TMEM201: variants seen among roughly 807,000 people sequenced by gnomAD.
TMEM201 encodes the protein RP13-15M17.2.
Under a neutral mutation model 63.4 loss-of-function variants are expected in TMEM201, and 26 were observed. That is an observed-to-expected ratio of 0.41 (90% CI 0.30 to 0.57). The LOEUF (loss-of-function observed/expected upper bound fraction) is 0.57. Ranked by LOEUF, TMEM201 falls within the 20% of genes least tolerant of loss-of-function variation. The probability of loss-of-function intolerance (pLI) is 0.29; values close to 1 mark genes in which losing one functional copy is unlikely to be tolerated. For synonymous variants in TMEM201, 417 were observed against 421.6 expected (o/e 0.99, Z 0.14); for missense variants, 794 against 917.7 (o/e 0.87, Z 1.74).
rs1033006812 is a variant in TMEM201 at position 9,603,410 on chromosome 1, G to A, written c.1160+1138G>A. The A allele has an allele frequency of 3.3e-5, 33 of 985,414 alleles. No individual in the cohort carries two copies. Among genetic ancestry groups the A allele is most frequent in the African/African-American group, 7.0e-5 (4 of 57,236 alleles). The allele number at this position is 985,414 out of a possible 1,614,324, so 61.0% of individuals were successfully genotyped here. On this transcript the variant is annotated intron_variant, in intron 6 of 10. Transcript: ENST00000340381. The surrounding 1 kb of genome is among the most constrained non-coding windows in gnomAD (Gnocchi z 4.5). ...ACGTGCAGAGGAAGTTCCCGGCCTG[G>A]GGGCTTTATCCAGGGGTCCCAGTCG...
rs1347728458 is a variant in TMEM201 at position 9,614,865 on chromosome 1, C to T, written c.*1782C>T. ...AAAAAGGAAACCAAAAAAGATACAG[C>T]CTTTGAATGATGCCTGCTGGCTGTC... On this transcript the variant is annotated 3_prime_UTR_variant, in exon 11 of 11. Coordinates refer to ENST00000340381, the MANE Select transcript of TMEM201 (RefSeq NM_001130924.3). 6.6e-6 allele frequency: 1 copy of T among 152,254 alleles called. No homozygotes were observed. The highest frequency in any genetic ancestry group is 1.5e-5 in the Non-Finnish European group (1 of 68,058). The allele number at this position is 152,254 out of a possible 1,614,324, so 9.4% of individuals were successfully genotyped here.
At chr1:9,599,979 T>C (rs551639198) in intron 4 of TMEM201, among the ~76,000 whole-genome samples, 5 of 152,288 alleles carry the variant, frequency 3.3e-5, no homozygotes, top group African/African-American at 9.6e-5. Context: ...AGTAGTAAGT[T>C]ATTCAGACCA....
chr1:9,596,846 C>A lies in TMEM201; in HGVS notation c.235-13C>A. The A allele has an allele frequency of 6.4e-7, 1 of 1,573,872 alleles. No homozygotes were observed. ...AGGGCCTGCCTGCCTCGAGTCCCAC[C>A]TCTCTCCCGCAGAACGGCGACTACA... On this transcript the variant is annotated splice_polypyrimidine_tract_variant and intron_variant, in intron 2 of 10. Coordinates refer to ENST00000340381, the MANE Select transcript of TMEM201 (RefSeq NM_001130924.3).
chr1:9,608,195 G>A lies in TMEM201; in HGVS notation c.1393+406G>A, dbSNP rs987020706. 9.9e-5 allele frequency among the ~76,000 whole-genome samples: 15 copies of A among 152,150 alleles called. No homozygotes were observed. Among genetic ancestry groups the A allele is most frequent in the African/African-American group, 2.4e-4 (10 of 41,450 alleles). The stretch of plus-strand genomic sequence containing the variant: ...GGAAGCTGCAGTGAGCTATGATCAC[G>A]CCACTGCATTCCACCATGGGCAACA... On this transcript the variant is annotated intron_variant, in intron 7 of 10. Transcript: ENST00000340381. The surrounding 1 kb of genome is among the most constrained non-coding windows in gnomAD (Gnocchi z 4.3).
chr1:9,612,431 C>A (rs898155930), intron 10 of TMEM201, among the ~76,000 whole-genome samples: 4 of 152,158 alleles, frequency 2.6e-5, no homozygotes, highest in Non-Finnish European at 5.9e-5. Context: ...CATCATCACT[C>A]CCTGGGTGGG....
At position 9,602,069 on chromosome 1, in the gene TMEM201, G is replaced by C; in HGVS notation, c.957G>C (p.Arg319Ser). The C allele has an allele frequency of 6.2e-7, 1 of 1,610,248 alleles. No individual in the cohort carries two copies. The highest frequency in any genetic ancestry group is 8.5e-7 in the Non-Finnish European group (1 of 1,178,326). The change falls in exon 6 of 11, where the codon AGG becomes AGC. Residue 319 changes from arginine (R) to serine (S), a missense_variant and splice_region_variant. Transcript: ENST00000340381. ...GGTGACCCCGCTGCTTCCCTTTCAG[G>C]CTCCGGAGGATCGATGCCTTCTGCA... ...LLAMLLAGRI[R>S]LRRIDAFCTC...
chr1:9,591,945 C>T (rs1170907930), intron 1 of TMEM201, among the ~76,000 whole-genome samples: 2 of 152,246 alleles, frequency 1.3e-5, no homozygotes, highest in Non-Finnish European at 1.5e-5. Flanking sequence ...GTATCTGTCA[C>T]CAGCTGCCCT....
In TMEM201 at chr1:9,605,003, C is replaced by A. The variant is rs185882732; in HGVS notation, c.1161-2554C>A. On this transcript the variant is annotated intron_variant, in intron 6 of 10. Transcript: ENST00000340381. The surrounding 1 kb of genome is among the most constrained non-coding windows in gnomAD (Gnocchi z 5.7). ...TTCTTTTTTCTTTCTTTCAGAAGGG[C>A]TCTGTGCCAGGGCTGGGGTGGGCAG... The A allele has an allele frequency of 7.1e-6, 7 of 985,834 alleles. No homozygotes were observed. The highest frequency in any genetic ancestry group is 6.1e-5 in the Admixed American group (1 of 16,280). 61.1% of individuals were successfully genotyped at this position (985,834 alleles called of 1,614,324 possible). A position where few individuals can be genotyped will look rare whatever the true frequency, so the allele number is the denominator to read the frequency against.
intron 1 of TMEM201, among the ~76,000 whole-genome samples, chr1:9,590,095 A>C (rs1011597033): frequency 6.6e-6 from 1 of 152,160 alleles, no homozygotes; most frequent in South Asian, 2.1e-4. Context: ...AAGGCATGGG[A>C]GGGACATCAG....
intron 4 of TMEM201, among the ~76,000 whole-genome samples, chr1:9,599,205 G>T (rs1644088166): frequency 6.6e-6 from 1 of 152,012 alleles, no homozygotes; most frequent in South Asian, 2.1e-4. Flanking sequence ...CTCCCAAAGT[G>T]CTGGGATTAC....
At chr1:9,611,439 C>T (rs1031354301) in intron 9 of TMEM201, among the ~76,000 whole-genome samples, 3 of 152,208 alleles carry the variant, frequency 2.0e-5, no homozygotes. Context: ...CTCAAGTGAC[C>T]CACCCATCTT....
chr1:9,612,010 G>A, intron 10 of TMEM201, 120 bp downstream of exon 10: 1 of 1,220,770 alleles, frequency 8.2e-7, no homozygotes, highest in Non-Finnish European at 1.1e-6. Flanking sequence ...GTCCCTGAGT[G>A]GCCGACAAGT....
In TMEM201 at chr1:9,595,858, C is replaced by G. The variant is rs1451811152; in HGVS notation, c.114-32C>G. 3 of 1,611,152 alleles carry G rather than the reference C, an allele frequency of 1.9e-6. No homozygotes were observed. In the Admixed American group the frequency reaches 5.0e-5, roughly 27 times the overall value. On this transcript the variant is annotated intron_variant, in intron 1 of 10. Coordinates refer to ENST00000340381, the MANE Select transcript of TMEM201 (RefSeq NM_001130924.3). ...CCTCTCCAGCAGGTGCTGGGGTCTTCCAGGCCAACCCGCTCTTTCCTTGGT... is the reference window on the plus strand; with the variant it reads ...CCTCTCCAGCAGGTGCTGGGGTCTTGCAGGCCAACCCGCTCTTTCCTTGGT...
chr1:9,606,718 T>C (rs1644250604), intron 6 of TMEM201: 1 of 152,314 alleles, frequency 6.6e-6, no homozygotes, highest in South Asian at 2.1e-4. Context: ...CCCTCTGTAA[T>C]TGGGTGCCTT....
intron 1 of TMEM201, among the ~76,000 whole-genome samples, chr1:9,591,975 C>T (rs1243418195): frequency 1.3e-5 from 2 of 152,228 alleles, no homozygotes; most frequent in Non-Finnish European, 2.9e-5. Flanking sequence ...TCGTTCTTGT[C>T]TTGCTCACGT....
At chr1:9,602,361 C>T (rs1368346783) in intron 6 of TMEM201, 89 bp downstream of exon 6, 2 of 1,536,682 alleles carry the variant, frequency 1.3e-6, no homozygotes, top group African/African-American at 1.4e-5. Context: ...CCTCTCTGTC[C>T]TGCCTCTTTT....
chr1:9,608,005 A>G lies in TMEM201; in HGVS notation c.1393+216A>G, dbSNP rs1191705296. ...TTAATCCCAGCACTTTAGGAGGCCA[A>G]GGTGGGAGGATGGCTTGAGGCTAGG... On this transcript the variant is annotated intron_variant, in intron 7 of 10. Coordinates refer to ENST00000340381, the MANE Select transcript of TMEM201 (RefSeq NM_001130924.3). The surrounding 1 kb of genome is among the most constrained non-coding windows in gnomAD (Gnocchi z 4.3). 6.6e-6 allele frequency among the ~76,000 whole-genome samples: 1 copy of G among 152,230 alleles called. No individual in the cohort carries two copies. Among genetic ancestry groups the G allele is most frequent in the East Asian group, 1.9e-4 (1 of 5,202 alleles).
chr1:9,601,230 C>G lies in TMEM201; in HGVS notation c.732C>G (p.Thr244=), dbSNP rs926253021. The part of the protein sequence containing the change: ...YGASGHFAPG[T]TVPLALPPGG... Reference sequence around the variant, plus strand: ...CCAGCGGACACTTCGCCCCAGGCACCACTGTGCCCCTGGCCCTGCCACCTG... The same window carrying G: ...CCAGCGGACACTTCGCCCCAGGCACGACTGTGCCCCTGGCCCTGCCACCTG... The change falls in exon 5 of 11, where the codon ACC becomes ACG. Residue 244 remains threonine, a synonymous_variant. Coordinates refer to ENST00000340381, the MANE Select transcript of TMEM201 (RefSeq NM_001130924.3). The G allele has an allele frequency of 3.1e-6, 5 of 1,611,854 alleles. No homozygotes were observed. In the African/African-American group the frequency reaches 5.3e-5, roughly 17 times the overall value.
intron 1 of TMEM201, among the ~76,000 whole-genome samples, chr1:9,589,320 G>A (rs1286163488): frequency 6.6e-6 from 1 of 152,012 alleles, no homozygotes; most frequent in Non-Finnish European, 1.5e-5. Context: ...GCGGGGGGCT[G>A]GAGCCGGTGC....
Sources: gnomAD v4.1 joint callset for allele counts (sites outside exome capture counted in the v4.1 genomes callset) on GRCh38, gnomAD v4.1.1 for gene constraint, Gnocchi (gnomAD v3.1) non-coding constraint, MANE v1.5 for transcripts, NCBI Gene and HGNC (gene_info 2026-07-23, HGNC 2026-07-21) for gene names.